Variants in HYAL4 observed in about 807,000 individuals in gnomAD.
The protein encoded by HYAL4 is hyaluronidase 4.
Under a neutral mutation model 35.2 loss-of-function variants are expected in HYAL4, and 37 were observed. The ratio of observed to expected loss-of-function variants is 1.05; its 90% CI spans 0.81 to 1.38. The LOEUF (loss-of-function observed/expected upper bound fraction) is 1.38, where lower values mean the gene tolerates loss of function less well. Among genes scored for constraint, HYAL4 ranks in the 40% most tolerant of loss-of-function variants. The pLI is 0.00. For synonymous variants in HYAL4, 198 were observed against 203.2 expected, an observed-to-expected ratio of 0.97 and a Z score of 0.22; for missense variants, 572 against 572.4, an observed-to-expected ratio of 1.00 and a Z score of 0.01.
At chr7:123,777,526 A>G in the HYAL4 span, among the ~76,000 whole-genome samples, 1 of 152,082 alleles carries the variant, frequency 6.6e-6, no homozygotes, top group Non-Finnish European at 1.5e-5. Context: ...TATGCTGCTT[A>G]TTTTACTTTT....
intron 1 of HYAL4, among the ~76,000 whole-genome samples, chr7:123,835,842 T>A (rs542988110): frequency 6.6e-6 from 1 of 152,336 alleles, no homozygotes; most frequent in South Asian, 2.1e-4. Flanking sequence ...GACCCAATGA[T>A]CATTCAGGAG....
the HYAL4 span, among the ~76,000 whole-genome samples, chr7:123,822,411 G>T: frequency 6.6e-6 from 1 of 151,972 alleles, no homozygotes; most frequent in East Asian, 1.9e-4. Flanking sequence ...TATTGTAAAT[G>T]GAATTGTTTT....
chr7:123,768,218 A>C, the HYAL4 span, among the ~76,000 whole-genome samples: 1 of 152,234 alleles, frequency 6.6e-6, no homozygotes, highest in Non-Finnish European at 1.5e-5. Context: ...AGTACTACAT[A>C]ACCTCAGTAA....
At chr7:123,783,120 A>G in the HYAL4 span, among the ~76,000 whole-genome samples, 1 of 152,114 alleles carries the variant, frequency 6.6e-6, no homozygotes, top group African/African-American at 2.4e-5. Flanking sequence ...TTTTCCTTTT[A>G]TTCATGATCA....
At chr7:123,809,681 GA>G in the HYAL4 span, among the ~76,000 whole-genome samples, 1 of 151,992 alleles carries the variant, frequency 6.6e-6, no homozygotes, top group African/African-American at 2.4e-5. Flanking sequence ...TTACTTGTGT[GA>G]GCCACTGCCC....
upstream of HYAL4, among the ~76,000 whole-genome samples, chr7:123,828,427 TACACACAC>T (rs34327472): frequency 0.013 from 1,855 of 141,406 alleles, 26 homozygotes; most frequent in African/African-American, 0.031. Context: ...TGTTCATAAT[TACACACAC>T]ACACACACAC....
rs61344294 is a variant in HYAL4 at position 123,838,240 on chromosome 7, C to CTT, written c.-256-5989_-256-5988dup. 4.2e-3 allele frequency among the ~76,000 whole-genome samples: 549 copies of CTT among 129,502 alleles called. 9 individuals carry two copies. The highest frequency in any genetic ancestry group is 0.014 in the African/African-American group (482 of 35,528). 85.0% of individuals were successfully genotyped at this position (129,502 alleles called of 152,430 possible). A position where few individuals can be genotyped will look rare whatever the true frequency, so the allele number is the denominator to read the frequency against. Reference sequence around the variant, plus strand: ...TCTACCATAGAATTCTTTACAGAGCCTTTTTTTTTTTTTTTTTGGAAATCA... The same window carrying CTT: ...TCTACCATAGAATTCTTTACAGAGCCTTTTTTTTTTTTTTTTTTTGGAAATCA... On this transcript the variant is annotated intron_variant, in intron 1 of 4. Transcript: ENST00000489978.
the HYAL4 span, among the ~76,000 whole-genome samples, chr7:123,774,088 C>T: frequency 6.6e-6 from 1 of 152,090 alleles, no homozygotes; most frequent in Non-Finnish European, 1.5e-5. Flanking sequence ...GTGGCTTGAT[C>T]ATAAGCTCAC....
the HYAL4 span, among the ~76,000 whole-genome samples, chr7:123,800,239 G>T: frequency 6.7e-5 from 10 of 148,212 alleles, no homozygotes; most frequent in African/African-American, 2.5e-4. Flanking sequence ...GCGCGATCTC[G>T]GCTCACTGCA....
chr7:123,803,482 C>T, the HYAL4 span, among the ~76,000 whole-genome samples: 4 of 152,266 alleles, frequency 2.6e-5, no homozygotes, highest in Middle Eastern at 6.8e-3. Context: ...CCACAGCTTG[C>T]CTTCCTTAAA....
Position 123,876,880 on chromosome 7 carries a change from A to T in HYAL4, c.1171A>T (p.Met391Leu). The T allele has an allele frequency of 1.9e-6, 3 of 1,614,198 alleles. No homozygotes were observed. The highest frequency in any genetic ancestry group is 1.6e-4 in the Middle Eastern group (1 of 6,062). Residue 391 changes from methionine (M) to leucine (L), a missense_variant, in exon 5 of 5, where the codon ATG (methionine) becomes TTG (leucine). Transcript: ENST00000223026. ...CRNNGRCIRK[M>L]WNAPSYLHLN... ...GAACAATGGCAGGTGCATAAGGAAG[A>T]TGTGGAACGCGCCCAGTTACCTTCA...
At chr7:123,830,378 A>G (rs941835282) in intron 1 of HYAL4, among the ~76,000 whole-genome samples, 1 of 152,218 alleles carries the variant, frequency 6.6e-6, no homozygotes, top group African/African-American at 2.4e-5. Context: ...TAAATACCAC[A>G]AATCACTTTA....
At chr7:123,827,844 T>C (rs138422778), upstream of HYAL4, among the ~76,000 whole-genome samples, 157 of 152,316 alleles carry the variant, frequency 1.0e-3, no homozygotes, top group East Asian at 0.029. Flanking sequence ...AATTATGAAT[T>C]AGTTTTAATA....
At chr7:123,797,947 T>TA in the HYAL4 span, among the ~76,000 whole-genome samples, 6 of 152,322 alleles carry the variant, frequency 3.9e-5, no homozygotes, top group African/African-American at 1.4e-4. Flanking sequence ...ATAATAATTT[T>TA]AAAAAGTGCC....
the HYAL4 span, among the ~76,000 whole-genome samples, chr7:123,811,533 T>G: frequency 5.9e-3 from 901 of 152,336 alleles, 9 homozygotes; most frequent in African/African-American, 0.02. Context: ...CTGTTGTTCA[T>G]TTTCTTGTTG....
At chr7:123,812,308 T>G in the HYAL4 span, among the ~76,000 whole-genome samples, 2 of 152,194 alleles carry the variant, frequency 1.3e-5, no homozygotes, top group African/African-American at 4.8e-5. Flanking sequence ...TGGAAAAATG[T>G]AGATCTAGTT....
At chr7:123,798,378 T>C in the HYAL4 span, among the ~76,000 whole-genome samples, 2 of 152,140 alleles carry the variant, frequency 1.3e-5, no homozygotes, top group East Asian at 3.9e-4. Context: ...CCATAAACAC[T>C]GCTTCATTTA....
In HYAL4 at chr7:123,868,237, A is replaced by G. The variant is rs747690736; in HGVS notation, c.-37A>G. 2 of 1,236,428 alleles carry G rather than the reference A, an allele frequency of 1.6e-6. No individual in the cohort carries two copies. Among genetic ancestry groups the G allele is most frequent in the Non-Finnish European group, 2.2e-6 (2 of 894,702 alleles). The allele number at this position is 1,236,428 out of a possible 1,614,324, so 76.6% of individuals were successfully genotyped here. A position where few individuals can be genotyped will look rare whatever the true frequency, so the allele number is the denominator to read the frequency against. The stretch of plus-strand genomic sequence containing the variant: ...TCTCTCCACAGGTCTTCTAGAGTGC[A>G]CTAAAGCAGAAGATAACGTAACATT... On this transcript the variant is annotated 5_prime_UTR_variant, in exon 3 of 5. Transcript: ENST00000223026.
At chr7:123,840,397 G>A (rs1214970448), upstream of HYAL4, among the ~76,000 whole-genome samples, 2 of 152,132 alleles carry the variant, frequency 1.3e-5, no homozygotes, top group African/African-American at 4.8e-5. Context: ...TAGCCTTGTA[G>A]TATAGTTTGA....
Sources: allele counts gnomAD v4.1 joint callset (sites outside exome capture counted in the v4.1 genomes callset), GRCh38; gene constraint gnomAD v4.1.1; transcripts MANE v1.5; gene names NCBI Gene and HGNC (gene_info 2026-07-23, HGNC 2026-07-21).